The following LUZP2 variants were observed in gnomAD, a reference collection of about 807,000 sequenced individuals.
LUZP2 encodes leucine zipper protein 2.
Under a neutral mutation model 51.6 loss-of-function variants are expected in LUZP2, and 52 were observed. That is an observed-to-expected ratio of 1.01 (90% CI 0.81 to 1.27). LUZP2 has a LOEUF of 1.27. Among genes scored for constraint, LUZP2 ranks in the 50% most tolerant of loss-of-function variants. The pLI is 0.00. For missense variants in LUZP2, 436 were observed against 395.4 expected (o/e 1.10, Z -0.87); for synonymous variants, 154 against 137.3 (o/e 1.12, Z -0.85).
intron 5 of LUZP2, among the ~76,000 whole-genome samples, chr11:24,828,558 GA>G (rs57464249): frequency 0.73 from 98,848 of 134,848 alleles, 36,570 homozygotes; most frequent in South Asian, 0.81. Context: ...CCCTGTGGCA[GA>G]AAAAAAAAAA....
chr11:24,606,431 C>T (rs1853920373), intron 1 of LUZP2, among the ~76,000 whole-genome samples: 1 of 151,992 alleles, frequency 6.6e-6, no homozygotes, highest in Non-Finnish European at 1.5e-5. Context: ...GGATTATTTT[C>T]AGCTTAAGAT....
At chr11:24,746,016 G>C in intron 4 of LUZP2, among the ~76,000 whole-genome samples, 1 of 152,086 alleles carries the variant, frequency 6.6e-6, no homozygotes, top group East Asian at 1.9e-4. Context: ...CTTTTAAGTG[G>C]AGCATTTAGG....
At chr11:24,855,918 A>C (rs932493026) in intron 5 of LUZP2, among the ~76,000 whole-genome samples, 2 of 152,110 alleles carry the variant, frequency 1.3e-5, no homozygotes, top group African/African-American at 4.8e-5. Context: ...ATGCAGAAAA[A>C]TGAAACTATG....
intron 4 of LUZP2, among the ~76,000 whole-genome samples, chr11:24,754,899 A>G: frequency 6.6e-6 from 1 of 152,332 alleles, no homozygotes; most frequent in African/African-American, 2.4e-5. Flanking sequence ...TAATCCCAGC[A>G]TTTTGCGGGG....
chr11:24,918,269 T>C (rs1381258457), intron 7 of LUZP2, among the ~76,000 whole-genome samples: 1 of 152,168 alleles, frequency 6.6e-6, no homozygotes, highest in African/African-American at 2.4e-5. Context: ...TATACAATCA[T>C]GTCATCTGCA....
chr11:24,632,380 C>T (rs1384971671), intron 1 of LUZP2, among the ~76,000 whole-genome samples: 3 of 151,852 alleles, frequency 2.0e-5, no homozygotes, highest in Non-Finnish European at 4.4e-5. Flanking sequence ...CAAATGTCAC[C>T]TAGAAAATTG....
chr11:24,893,233 T>C (rs907744094), intron 5 of LUZP2: 6 of 152,064 alleles, frequency 3.9e-5, no homozygotes, highest in Non-Finnish European at 8.8e-5. Context: ...ATTCATTAAA[T>C]AATAACTACA....
intron 9 of LUZP2, among the ~76,000 whole-genome samples, chr11:24,999,517 G>A (rs1856614757): frequency 6.6e-6 from 1 of 151,400 alleles, no homozygotes; most frequent in Admixed American, 6.6e-5. Context: ...AAGAGGAGGA[G>A]GAAGAGAAGA....
rs1851973692 is a variant in LUZP2 at position 24,559,671 on chromosome 11, GT to G, written c.62+62367del. Among the ~76,000 whole-genome samples, 3 of 152,170 alleles carry G rather than the reference GT, an allele frequency of 2.0e-5. No homozygotes were observed. The South Asian group carries it at 6.2e-4, about 31-fold the overall frequency. ...GTGACAGAAACTATGCAATTATCTT[GT>G]GACTTTTCTGAAAAATGAATATGGA... On this transcript the variant is annotated intron_variant, in intron 1 of 11. Coordinates refer to ENST00000336930, the MANE Select transcript of LUZP2 (RefSeq NM_001009909.4).
chr11:24,983,061 G>A, intron 8 of LUZP2, 65 bp from the exon 9 acceptor site: 2 of 1,507,430 alleles, frequency 1.3e-6, no homozygotes, highest in Non-Finnish European at 1.8e-6. Flanking sequence ...AGGAAAGGGA[G>A]AATGCAAGCA....
chr11:24,943,252 C>T (rs1207880909), intron 7 of LUZP2, among the ~76,000 whole-genome samples: 1 of 152,148 alleles, frequency 6.6e-6, no homozygotes, highest in Non-Finnish European at 1.5e-5. Context: ...TCAGCTTCTT[C>T]ATCTGTTAGA....
At chr11:24,921,202 A>C (rs984633732) in intron 7 of LUZP2, among the ~76,000 whole-genome samples, 4 of 152,086 alleles carry the variant, frequency 2.6e-5, no homozygotes, top group African/African-American at 9.7e-5. Flanking sequence ...CCCCATACAG[A>C]GACAGAGGGA....
At chr11:25,010,065 C>G (rs554920926) in intron 9 of LUZP2, among the ~76,000 whole-genome samples, 52 of 152,060 alleles carry the variant, frequency 3.4e-4, no homozygotes, top group Non-Finnish European at 6.3e-4. Flanking sequence ...TTGTCAATCC[C>G]CATGTGGTAC....
intron 1 of LUZP2, among the ~76,000 whole-genome samples, chr11:24,574,057 C>A (rs1005288272): frequency 6.6e-6 from 1 of 151,160 alleles, no homozygotes; most frequent in Admixed American, 6.6e-5. Context: ...TTTTTCTTTC[C>A]TTCTCTCTTT....
intron 5 of LUZP2, among the ~76,000 whole-genome samples, chr11:24,838,539 G>A (rs1413333703): frequency 6.6e-6 from 1 of 151,546 alleles, no homozygotes; most frequent in East Asian, 1.9e-4. Context: ...TATATTGTAC[G>A]CCGTGGGAGT....
intron 7 of LUZP2, among the ~76,000 whole-genome samples, chr11:24,921,915 A>G (rs533250993): frequency 1.3e-5 from 2 of 152,252 alleles, no homozygotes; most frequent in Admixed American, 1.3e-4. Context: ...CACAACCCCT[A>G]TGAGACAGGA....
chr11:24,588,533 C>T (rs1438307235), intron 1 of LUZP2, among the ~76,000 whole-genome samples: 2 of 151,994 alleles, frequency 1.3e-5, no homozygotes, highest in Non-Finnish European at 2.9e-5. Context: ...CTCTAATGAC[C>T]TTGGATAAAA....
chr11:24,855,031 G>C (rs1231843828), intron 5 of LUZP2, among the ~76,000 whole-genome samples: 4 of 152,248 alleles, frequency 2.6e-5, no homozygotes, highest in African/African-American at 7.2e-5. Context: ...CCCACCTCCT[G>C]TGTTAATCTT....
chr11:25,016,852 C>T (rs1596847), intron 9 of LUZP2, among the ~76,000 whole-genome samples: 57,761 of 151,902 alleles, frequency 0.38, 13,319 homozygotes, highest in East Asian at 0.77. Context: ...AATCGTCACA[C>T]GTTTTTCATA....
Sources: allele counts gnomAD v4.1 joint callset (sites outside exome capture counted in the v4.1 genomes callset), GRCh38; gene constraint gnomAD v4.1.1; transcripts MANE v1.5; gene names NCBI Gene and HGNC (gene_info 2026-07-23, HGNC 2026-07-21).